The following ESS2 variants were observed in gnomAD, a reference collection of about 807,000 sequenced individuals.
ESS2 encodes the protein ess-2 spliceosome associated protein.
A neutral mutation model predicts 52.0 loss-of-function variants in ESS2; 31 were observed. That is an observed-to-expected ratio of 0.60 (90% CI 0.45 to 0.81). The LOEUF is 0.81. ESS2 is among the 30% of genes least tolerant of loss of function. The pLI is 0.00. For synonymous variants in ESS2, 285 were observed against 259.2 expected (o/e 1.10, Z -0.95); for missense variants, 602 against 637.2 (o/e 0.94, Z 0.59).
At chr22:19,144,089 G>T in intron 1 of ESS2, 1 of 1,007,768 alleles carries the variant, frequency 9.9e-7, no homozygotes, top group South Asian at 4.1e-5. Flanking sequence ...TCCTCCTTCT[G>T]TGTGCGTGTG....
rs200671779 is a variant in ESS2, at chr22:19,139,901, C to T, written c.524G>A (p.Arg175Gln). 2.1e-4 allele frequency: 332 copies of T among 1,614,170 alleles called. 1 individual carries two copies. The highest frequency in any genetic ancestry group is 3.3e-4 in the Middle Eastern group (2 of 6,062). The change falls in exon 4 of 10, where the codon CGG (arginine) becomes CAG (glutamine). Residue 175 changes from arginine (R) to glutamine (Q), a missense_variant. Arg to Gln is a conservative substitution (Grantham distance 43, BLOSUM62 1). Transcript: ENST00000252137. ...EIMEVAKERSRARHAWLYQAE... is the reference protein window; with the variant it reads ...EIMEVAKERSQARHAWLYQAE... ...CTGGTAGAGCCAAGCGTGGCGTGCC[C>T]GGCTTCTCTCCTTGGCCACCTCCAT...
chr22:19,143,316 A>G (rs1423371933), intron 1 of ESS2, among the ~76,000 whole-genome samples: 2 of 151,970 alleles, frequency 1.3e-5, no homozygotes, highest in Non-Finnish European at 2.9e-5. Flanking sequence ...TTCAAATTCT[A>G]CTTCCCCAAT....
chr22:19,144,371 T>C (rs2146113569), intron 1 of ESS2, 135 bp downstream of exon 1: 2 of 1,519,784 alleles, frequency 1.3e-6, no homozygotes, highest in South Asian at 2.6e-5. Context: ...TTTACTTGAC[T>C]CGTGGGACCG....
In ESS2 at chr22:19,133,365, C is replaced by T. The variant is rs112293932; in HGVS notation, c.*831G>A. 267 of 152,614 alleles carry T rather than the reference C, an allele frequency of 1.7e-3. No homozygotes were observed. The highest frequency in any genetic ancestry group is 3.3e-3 in the Non-Finnish European group (226 of 68,228). 9.5% of individuals were successfully genotyped at this position (152,614 alleles called of 1,614,324 possible). ...AGGGGATAAAGCACTGAAGGCCCCA[C>T]GTCCCCCACCCCTTAAGAGTCCCAG... is the stretch of plus-strand genomic sequence containing the variant. On this transcript the variant is annotated 3_prime_UTR_variant, in exon 10 of 10. Transcript: ENST00000252137.
Position 19,132,332 on chromosome 22 carries a change from C to T in ESS2, c.*1864G>A, listed in dbSNP as rs770453644. 8.7e-6 allele frequency: 14 copies of T among 1,612,820 alleles called. No homozygotes were observed. The highest frequency in any genetic ancestry group is 6.6e-5 in the South Asian group (6 of 91,070). ...CAGGCTTGAGGCCCGACCACCGGCC[C>T]GACCACAAGCTTGGAGCCAAAACCC... On this transcript the variant is annotated 3_prime_UTR_variant, in exon 10 of 10. Transcript: ENST00000252137. The surrounding 1 kb of genome is among the most constrained non-coding windows in gnomAD (Gnocchi z 4.2).
intron 8 of ESS2, 75 bp from the exon 9 acceptor site, chr22:19,135,250 C>T: frequency 8.2e-7 from 1 of 1,214,814 alleles, no homozygotes; most frequent in South Asian, 1.3e-5. Context: ...CAGAAAGCCA[C>T]TGTGGTGGGT....
At chr22:19,137,936 A>C (rs1344602996) in intron 7 of ESS2, 4 of 985,142 alleles carry the variant, frequency 4.1e-6, no homozygotes, top group Non-Finnish European at 4.8e-6. Context: ...CTGTGCACAC[A>C]CCCCCACCCA....
intron 3 of ESS2, among the ~76,000 whole-genome samples, chr22:19,141,804 A>G (rs2083691038): frequency 6.6e-6 from 1 of 152,198 alleles, no homozygotes; most frequent in Admixed American, 6.5e-5. Flanking sequence ...CCGGGACAAC[A>G]TGGCAAAACC....
Position 19,134,128 on chromosome 22 carries a change from C to T in ESS2, c.*68G>A. ...GCCTGGGCCCCGAGAAGGCTGGAGT[C>T]CTCTGCTGGGTGTACAGCTGCCCTG... On this transcript the variant is annotated 3_prime_UTR_variant, in exon 10 of 10. Transcript: ENST00000252137. 1.4e-6 allele frequency: 2 copies of T among 1,435,904 alleles called. No individual in the cohort carries two copies. Among genetic ancestry groups the T allele is most frequent in the Non-Finnish European group, 1.8e-6 (2 of 1,094,900 alleles). 88.9% of individuals were successfully genotyped at this position (1,435,904 alleles called of 1,614,324 possible). A position where few individuals can be genotyped will look rare whatever the true frequency, so the allele number is the denominator to read the frequency against.
chr22:19,139,130 C>T (rs1396716583), intron 6 of ESS2, 29 bp downstream of exon 6: 1 of 1,560,910 alleles, frequency 6.4e-7, no homozygotes, highest in Non-Finnish European at 8.7e-7. Flanking sequence ...CAACCTGGCC[C>T]ATGCGGCCCT....
In ESS2 at chr22:19,137,460, C is replaced by G. The variant is rs377438821; in HGVS notation, c.926-28G>C. On this transcript the variant is annotated intron_variant, in intron 7 of 9. Coordinates refer to ENST00000252137, the MANE Select transcript of ESS2 (RefSeq NM_022719.3). ...GCAGACAAAGAGCCCAAAACCACCTCAGGCCAGAGGACTCCCCACCACCCT... is the reference window on the plus strand; with the variant it reads ...GCAGACAAAGAGCCCAAAACCACCTGAGGCCAGAGGACTCCCCACCACCCT... 2.1e-4 allele frequency: 336 copies of G among 1,566,842 alleles called. 1 individual carries two copies. The African/African-American group carries it at 3.9e-3, about 18-fold the overall frequency.
At position 19,140,414 on chromosome 22, in the gene ESS2, C is replaced by G. The variant is rs1336915668; in HGVS notation, c.401-390G>C. Among the ~76,000 whole-genome samples the G allele has an allele frequency of 2.6e-5, 4 of 152,176 alleles. 1 individual carries two copies. Among genetic ancestry groups the G allele is most frequent in the Non-Finnish European group, 5.9e-5 (4 of 68,030 alleles). On this transcript the variant is annotated intron_variant, in intron 3 of 9. Transcript: ENST00000252137. The stretch of plus-strand genomic sequence containing the variant: ...GTGCCAGGCCTCCAAATCCCTGGGG[C>G]TCTCCCTCACTCCCTAGGATTTCCT...
chr22:19,134,314 G>A lies in ESS2; in HGVS notation c.1313C>T (p.Pro438Leu), dbSNP rs533285660. Residue 438 changes from proline (P) to leucine (L), a missense_variant, in exon 10 of 10, where the codon CCC becomes CTC. Pro to Leu is a moderately conservative substitution (Grantham distance 98, BLOSUM62 -3). Transcript: ENST00000252137. Reference sequence around the variant, plus strand: ...AGAGCCAGGCGCCGGTGTGCTTGTGGGGGTCTGCAGCCCACTGGCCGGGGT... The same window carrying A: ...AGAGCCAGGCGCCGGTGTGCTTGTGAGGGTCTGCAGCCCACTGGCCGGGGT... ...LKTPASGLQTPTSTPAPGSAT... is the reference protein window; with the variant it reads ...LKTPASGLQTLTSTPAPGSAT... 6.2e-7 allele frequency: 1 copy of A among 1,608,992 alleles called. No individual in the cohort carries two copies. The highest frequency in any genetic ancestry group is 8.5e-7 in the Non-Finnish European group (1 of 1,177,394).
intron 1 of ESS2, 193 bp downstream of exon 1, chr22:19,144,313 A>C (rs2083746766): frequency 2.9e-6 from 4 of 1,357,216 alleles, no homozygotes; most frequent in Non-Finnish European, 3.8e-6. Flanking sequence ...CTTTTCCCTG[A>C]CAACACTACT....
intron 9 of ESS2, among the ~76,000 whole-genome samples, chr22:19,134,858 G>C (rs552658245): frequency 6.6e-6 from 1 of 152,334 alleles, no homozygotes; most frequent in South Asian, 2.1e-4. Context: ...GGAGGAAAGA[G>C]AAGATGGAGG....
rs1219481182 is a variant in ESS2 at position 19,133,985 on chromosome 22, C to A, written c.*211G>T. 2.1e-6 allele frequency: 1 copy of A among 476,668 alleles called. No individual in the cohort carries two copies. Among genetic ancestry groups the A allele is most frequent in the Non-Finnish European group, 3.4e-6 (1 of 293,988 alleles). The allele number at this position is 476,668 out of a possible 1,614,324, so 29.5% of individuals were successfully genotyped here. ...ACAGTTCAAGGGGCCAATTAAACAG[C>A]AAACAGCTTGGCAAGGCCCTGGGGT... On this transcript the variant is annotated 3_prime_UTR_variant, in exon 10 of 10. Transcript: ENST00000252137.
intron 1 of ESS2, among the ~76,000 whole-genome samples, chr22:19,143,484 A>G (rs2146111214): frequency 6.6e-6 from 1 of 152,218 alleles, no homozygotes; most frequent in Middle Eastern, 3.4e-3. Context: ...CTCATTCTCC[A>G]TTGCTGGCTC....
At chr22:19,141,090 T>C (rs369883164) in intron 3 of ESS2, among the ~76,000 whole-genome samples, 1 of 146,374 alleles carries the variant, frequency 6.8e-6, no homozygotes, top group Admixed American at 6.9e-5. Context: ...AAAACCAGCC[T>C]GGGCAACATA....
At chr22:19,135,743 A>G (rs2083570284) in intron 8 of ESS2, among the ~76,000 whole-genome samples, 1 of 152,144 alleles carries the variant, frequency 6.6e-6, no homozygotes, top group Non-Finnish European at 1.5e-5. Flanking sequence ...AGATTAGACT[A>G]CAGGCTGGGA....
Sources: gnomAD v4.1 joint callset for allele counts (sites outside exome capture counted in the v4.1 genomes callset) on GRCh38, gnomAD v4.1.1 for gene constraint, Gnocchi (gnomAD v3.1) non-coding constraint, MANE v1.5 for transcripts, NCBI Gene and HGNC (gene_info 2026-07-23, HGNC 2026-07-21) for gene names.